PLEKHA2: variants seen among roughly 807,000 people sequenced by gnomAD.
The protein encoded by PLEKHA2 is pleckstrin homology domain-containing family A member 2.
A neutral mutation model predicts 53.2 loss-of-function variants in PLEKHA2; 28 were observed. The observed-to-expected ratio is 0.53, with a 90% CI of 0.39 to 0.72. PLEKHA2 has a LOEUF of 0.72. PLEKHA2 is among the 30% of genes least tolerant of loss of function. PLEKHA2 has a pLI of 0.00. For missense variants in PLEKHA2, 426 were observed against 537.9 expected (o/e 0.79, Z 2.06); for synonymous variants, 193 against 196.4 (o/e 0.98, Z 0.14).
chr8:38,946,369 T>C, intron 5 of PLEKHA2, 148 bp downstream of exon 5: 1 of 655,810 alleles, frequency 1.5e-6, no homozygotes, highest in Admixed American at 2.9e-5. Flanking sequence ...CTCGTCTTTT[T>C]CCTTGGCTGA....
intron 9 of PLEKHA2, among the ~76,000 whole-genome samples, chr8:38,956,158 C>G (rs558961979): frequency 9.8e-5 from 15 of 152,312 alleles, no homozygotes; most frequent in Admixed American, 3.9e-4. Context: ...TATGTATTCC[C>G]CGCAGTGGCT....
chr8:38,963,605 G>T (rs1471055393), intron 10 of PLEKHA2, among the ~76,000 whole-genome samples: 1 of 152,176 alleles, frequency 6.6e-6, no homozygotes, highest in Non-Finnish European at 1.5e-5. Context: ...CAGGCCTGGT[G>T]GCTCATGCCT....
chr8:38,935,942 T>C (rs1834486610), intron 2 of PLEKHA2, 52 bp from the exon 3 acceptor site: 2 of 1,566,726 alleles, frequency 1.3e-6, no homozygotes, highest in African/African-American at 1.4e-5. Flanking sequence ...GTCTTCTGTC[T>C]CTTGGTGCTG....
Position 38,969,598 on chromosome 8 carries a change from G to A in PLEKHA2, c.1093G>A (p.Glu365Lys), listed in dbSNP as rs377588651. 87 of 1,608,942 alleles carry A rather than the reference G, an allele frequency of 5.4e-5. No homozygotes were observed. The highest frequency in any genetic ancestry group is 7.2e-5 in the Non-Finnish European group (85 of 1,177,702). ...QPWTPVPQAG[E>K]KLLPPGDTSE... ...CTGGACACCTGTCCCCCAGGCTGGG[G>A]AGAAGCTGCTTCCACCTGGAGACAC... Residue 365 changes from glutamate (E) to lysine (K), a missense_variant, in exon 12 of 12, where the codon GAG (glutamate) becomes AAG (lysine). Glu to Lys is a moderately conservative substitution (Grantham distance 56). Transcript: ENST00000617275.
At chr8:38,951,739 C>T (rs1286465644) in intron 6 of PLEKHA2, among the ~76,000 whole-genome samples, 3 of 152,054 alleles carry the variant, frequency 2.0e-5, no homozygotes. Flanking sequence ...CAAGGTCTCG[C>T]TGTGTTGCCC....
rs1835186762 is a variant in PLEKHA2, at chr8:38,968,766, C to T, written c.915+97C>T. The T allele has an allele frequency of 2.3e-6, 3 of 1,278,644 alleles. No homozygotes were observed. The African/African-American group carries it at 4.4e-5, about 19-fold the overall frequency. 79.2% of individuals were successfully genotyped at this position (1,278,644 alleles called of 1,614,324 possible). ...TGGTGATGTAGGCAAGCAGCCTGGTCCCGAGGTGCAGCTGAAGCCCCAGGC... is the reference window on the plus strand; with the variant it reads ...TGGTGATGTAGGCAAGCAGCCTGGTTCCGAGGTGCAGCTGAAGCCCCAGGC... On this transcript the variant is annotated intron_variant, in intron 11 of 11. Transcript: ENST00000617275.
At chr8:38,905,059 C>G (rs1283673310) in intron 1 of PLEKHA2, among the ~76,000 whole-genome samples, 3 of 151,890 alleles carry the variant, frequency 2.0e-5, no homozygotes, top group East Asian at 3.9e-4. Flanking sequence ...CTGTCTGGCT[C>G]AAGACTCATG....
At chr8:38,963,154 C>G (rs1478116632) in intron 10 of PLEKHA2, among the ~76,000 whole-genome samples, 2 of 152,196 alleles carry the variant, frequency 1.3e-5, no homozygotes, top group Non-Finnish European at 2.9e-5. Context: ...CACTGGACTA[C>G]AATAAAACTG....
At chr8:38,964,401 T>C (rs1835095471) in intron 10 of PLEKHA2, among the ~76,000 whole-genome samples, 1 of 152,130 alleles carries the variant, frequency 6.6e-6, no homozygotes, top group Non-Finnish European at 1.5e-5. Context: ...TAAATTCTCA[T>C]AGGACTGCGA....
intron 9 of PLEKHA2, among the ~76,000 whole-genome samples, chr8:38,956,301 C>T (rs1200236307): frequency 1.3e-5 from 2 of 152,232 alleles, no homozygotes; most frequent in Non-Finnish European, 2.9e-5. Flanking sequence ...CCACACCCAG[C>T]AGTGTCCCCT....
In PLEKHA2 at chr8:38,957,339, G is replaced by C. The variant is rs1470119093; in HGVS notation, c.790G>C (p.Asp264His). 20 of 1,612,884 alleles carry C rather than the reference G, an allele frequency of 1.2e-5. No homozygotes were observed. The Admixed American group carries it at 3.3e-4, about 27-fold the overall frequency. ...TCTGTCTAGTGATCTCTTAATGAGG[G>C]ACAACCTGTTTGAAATAATAACAAG... ...LVKSGDLLMRDNLFEIITSSR... is the reference protein window; with the variant it reads ...LVKSGDLLMRHNLFEIITSSR... The change falls in exon 10 of 12, where the codon GAC becomes CAC. Residue 264 changes from aspartate to histidine, a missense_variant. Coordinates refer to ENST00000617275, the MANE Select transcript of PLEKHA2 (RefSeq NM_021623.2).
chr8:38,920,133 G>A (rs1013093363), intron 2 of PLEKHA2, among the ~76,000 whole-genome samples: 7 of 151,418 alleles, frequency 4.6e-5, no homozygotes, highest in East Asian at 1.9e-4. Context: ...CACCATGCCC[G>A]GCTAATTTTT....
chr8:38,947,983 G>A (rs1834746952), intron 5 of PLEKHA2, among the ~76,000 whole-genome samples: 1 of 151,816 alleles, frequency 6.6e-6, no homozygotes, highest in Non-Finnish European at 1.5e-5. Context: ...CTACTTGGGA[G>A]GCTGAGGCAG....
At chr8:38,954,577 A>T (rs1169233178) in intron 9 of PLEKHA2, among the ~76,000 whole-genome samples, 1 of 152,164 alleles carries the variant, frequency 6.6e-6, no homozygotes, top group Non-Finnish European at 1.5e-5. Context: ...GAAGTCAGGG[A>T]CTAGCAGGGA....
chr8:38,919,792 C>T (rs1834146074), intron 2 of PLEKHA2, among the ~76,000 whole-genome samples: 3 of 152,154 alleles, frequency 2.0e-5, no homozygotes, highest in Admixed American at 2.0e-4. Context: ...CATGTTTCAC[C>T]CTGCAGCCCT....
intron 5 of PLEKHA2, among the ~76,000 whole-genome samples, chr8:38,948,406 A>C (rs1834756998): frequency 6.6e-6 from 1 of 152,224 alleles, no homozygotes; most frequent in South Asian, 2.1e-4. Flanking sequence ...ATTAGTGATA[A>C]TGCAGCAAAG....
At chr8:38,959,767 C>T (rs890230766) in intron 10 of PLEKHA2, among the ~76,000 whole-genome samples, 1 of 152,124 alleles carries the variant, frequency 6.6e-6, no homozygotes, top group South Asian at 2.1e-4. Flanking sequence ...GAGAGTCAGT[C>T]GGATGAAGGG....
chr8:38,929,025 C>T (rs1032230919), intron 2 of PLEKHA2, among the ~76,000 whole-genome samples: 2 of 152,188 alleles, frequency 1.3e-5, no homozygotes, highest in African/African-American at 2.4e-5. Flanking sequence ...CCTGTCACAC[C>T]GTTCTCCTAC....
chr8:38,914,546 G>A (rs1004752694), intron 1 of PLEKHA2, among the ~76,000 whole-genome samples: 1 of 152,252 alleles, frequency 6.6e-6, no homozygotes, highest in Non-Finnish European at 1.5e-5. Flanking sequence ...GTGTGGCTGT[G>A]GACAGAGGGC....
Sources: gnomAD v4.1 joint callset for allele counts (sites outside exome capture counted in the v4.1 genomes callset) on GRCh38, gnomAD v4.1.1 for gene constraint, MANE v1.5 for transcripts, NCBI Gene and HGNC (gene_info 2026-07-23, HGNC 2026-07-21) for gene names.